The following WWP2 variants were observed in gnomAD, a reference collection of about 807,000 sequenced individuals.
WWP2 encodes WW domain containing E3 ubiquitin protein ligase 2, also known as NEDD4-like E3 ubiquitin-protein ligase WWP2.
Under a neutral mutation model 121.0 loss-of-function variants are expected in WWP2, and 57 were observed. The ratio of observed to expected loss-of-function variants is 0.47; its 90% CI spans 0.38 to 0.59. The LOEUF (loss-of-function observed/expected upper bound fraction) is 0.59. Among genes scored for constraint, WWP2 ranks in the 20% least tolerant of loss-of-function variants. The pLI is 0.00. For missense variants in WWP2, 962 were observed against 1,158.9 expected, an observed-to-expected ratio of 0.83 and a Z score of 2.47; for synonymous variants, 449 against 441.3, an observed-to-expected ratio of 1.02 and a Z score of -0.22.
intron 1 of WWP2, among the ~76,000 whole-genome samples, chr16:69,777,598 G>A (rs1457205948): frequency 1.3e-5 from 2 of 151,574 alleles, no homozygotes; most frequent in African/African-American, 4.8e-5. Flanking sequence ...ACCGTGCTCG[G>A]CCTATATTTT....
At position 69,935,934 on chromosome 16, in the gene WWP2, A is replaced by G; in HGVS notation, c.1924A>G (p.Lys642Glu). The change falls in exon 18 of 24, where the codon AAA becomes GAA. Residue 642 changes from lysine to glutamate, a missense_variant. Coordinates refer to ENST00000359154, the MANE Select transcript of WWP2 (RefSeq NM_001270454.2). The surrounding 1 kb of genome is among the most constrained non-coding windows in gnomAD (Gnocchi z 5.2). The stretch of plus-strand genomic sequence containing the variant: ...GATGCTCAATAAGAGACCAACCCTG[A>G]AAGACCTGGAGTCCATTGACCCTGA... ...KRMLNKRPTLKDLESIDPEFY... is the reference protein window; with the variant it reads ...KRMLNKRPTLEDLESIDPEFY... 1.9e-6 allele frequency: 3 copies of G among 1,614,046 alleles called. No homozygotes were observed. The highest frequency in any genetic ancestry group is 2.5e-6 in the Non-Finnish European group (3 of 1,180,026).
intron 2 of WWP2, among the ~76,000 whole-genome samples, chr16:69,787,561 C>G (rs1264793016): frequency 6.6e-6 from 1 of 152,094 alleles, no homozygotes; most frequent in African/African-American, 2.4e-5. Context: ...CTGCACTCAG[C>G]CTGGGCAACA....
At chr16:69,772,813 G>T (rs986110074) in intron 1 of WWP2, among the ~76,000 whole-genome samples, 15 of 151,970 alleles carry the variant, frequency 9.9e-5, no homozygotes, top group Admixed American at 9.2e-4. Context: ...CACCACCAGT[G>T]ATTGACCCTT....
chr16:69,832,553 G>C (rs2056812658), intron 4 of WWP2, among the ~76,000 whole-genome samples: 1 of 152,006 alleles, frequency 6.6e-6, no homozygotes, highest in Admixed American at 6.6e-5. Flanking sequence ...AATTTTTAAT[G>C]TTTTTTGAGA....
At chr16:69,920,635 T>C (rs1363862886) in intron 10 of WWP2, among the ~76,000 whole-genome samples, 2 of 148,398 alleles carry the variant, frequency 1.3e-5, no homozygotes, top group African/African-American at 2.5e-5. Context: ...AAAAAAAAAA[T>C]GGAACCGAAT....
Position 69,923,930 on chromosome 16 carries a change from C to A in WWP2, c.1180-1500C>A, listed in dbSNP as rs1218413410. On this transcript the variant is annotated intron_variant, in intron 10 of 23. Transcript: ENST00000359154. The stretch of plus-strand genomic sequence containing the variant: ...AACCCCCCAACACACAGACACACGC[C>A]CCCATGACTTGGAATTCGGGAGATT... 2.0e-5 allele frequency among the ~76,000 whole-genome samples: 3 copies of A among 151,956 alleles called. No homozygotes were observed. In the East Asian group the frequency reaches 5.8e-4, roughly 29 times the overall value.
chr16:69,772,969 C>T (rs1480682970), intron 1 of WWP2, among the ~76,000 whole-genome samples: 1 of 151,962 alleles, frequency 6.6e-6, no homozygotes, highest in African/African-American at 2.4e-5. Flanking sequence ...GGGTTTTCAC[C>T]TTTTTGTATT....
At chr16:69,773,177 CG>C (rs917122783) in intron 1 of WWP2, among the ~76,000 whole-genome samples, 4 of 151,602 alleles carry the variant, frequency 2.6e-5, no homozygotes, top group African/African-American at 9.7e-5. Flanking sequence ...TACCGATACA[CG>C]TTGCTCCTTT....
At chr16:69,764,948 A>G (rs2038696278) in intron 1 of WWP2, among the ~76,000 whole-genome samples, 1 of 152,254 alleles carries the variant, frequency 6.6e-6, no homozygotes, top group African/African-American at 2.4e-5. Context: ...TCATGCCTAT[A>G]ATTCCAGCAC....
intron 4 of WWP2, among the ~76,000 whole-genome samples, chr16:69,830,348 CA>C (rs1289244917): frequency 6.6e-6 from 1 of 152,126 alleles, no homozygotes; most frequent in East Asian, 1.9e-4. Flanking sequence ...CTCGGCCTCC[CA>C]AAGTGTTGGG....
intron 8 of WWP2, among the ~76,000 whole-genome samples, chr16:69,901,996 G>A (rs1046309598): frequency 2.0e-5 from 3 of 152,196 alleles, no homozygotes; most frequent in East Asian, 3.9e-4. Flanking sequence ...AAATTCACTC[G>A]AACTCTTTGC....
chr16:69,763,833 C>G (rs1232340921), intron 1 of WWP2, among the ~76,000 whole-genome samples: 1 of 152,182 alleles, frequency 6.6e-6, no homozygotes, highest in Non-Finnish European at 1.5e-5. Context: ...CTAAAAGTCA[C>G]ACCGGCGTAA....
chr16:69,829,676 C>T (rs751832527), intron 4 of WWP2, among the ~76,000 whole-genome samples: 1 of 152,216 alleles, frequency 6.6e-6, no homozygotes, highest in African/African-American at 2.4e-5. Context: ...TCTGGCTGCT[C>T]AGGGGACCAT....
intron 6 of WWP2, among the ~76,000 whole-genome samples, chr16:69,861,708 G>C (rs924467544): frequency 6.6e-6 from 1 of 151,208 alleles, no homozygotes; most frequent in Non-Finnish European, 1.5e-5. Flanking sequence ...GGTGCAGGTG[G>C]GAGTAGGTTT....
rs1188544343 is a variant in WWP2, at chr16:69,762,367, G to C, written c.-40G>C. 1 of 151,438 alleles carries C rather than the reference G, an allele frequency of 6.6e-6. No homozygotes were observed. Among genetic ancestry groups the C allele is most frequent in the East Asian group, 1.9e-4 (1 of 5,150 alleles). The allele number at this position is 151,438 out of a possible 1,614,324, so 9.4% of individuals were successfully genotyped here. On this transcript the variant is annotated 5_prime_UTR_variant, in exon 1 of 24. Transcript: ENST00000359154. ...GAAGGCGGAAGTAGGAGAGGAGTTC[G>C]GCGCCGCTTCTGTGGCCACGGCAGG...
At chr16:69,911,189 C>G (rs4985451) in intron 9 of WWP2, among the ~76,000 whole-genome samples, 1 of 152,126 alleles carries the variant, frequency 6.6e-6, no homozygotes, top group Non-Finnish European at 1.5e-5. Flanking sequence ...TAATCATGGC[C>G]GTCCCTGCAT....
rs116098479 is a variant in WWP2 at position 69,838,652 on chromosome 16, G to A, written c.341-1474G>A. 3.3e-3 allele frequency: 2,902 copies of A among 886,280 alleles called. 78 individuals are homozygous for A. In the African/African-American group the frequency reaches 0.049, roughly 15 times the overall value. The allele number at this position is 886,280 out of a possible 1,614,324, so 54.9% of individuals were successfully genotyped here. A position where few individuals can be genotyped will look rare whatever the true frequency, so the allele number is the denominator to read the frequency against. On this transcript the variant is annotated intron_variant, in intron 4 of 23. Coordinates refer to ENST00000359154, the MANE Select transcript of WWP2 (RefSeq NM_001270454.2). ...TGGCCACTCCCAGGGATGGCAAGAG[G>A]TGGCTGGGGGTTGAAAGGCCTCAGT...
At chr16:69,918,499 G>A (rs1226122146) in intron 10 of WWP2, among the ~76,000 whole-genome samples, 1 of 152,194 alleles carries the variant, frequency 6.6e-6, no homozygotes, top group Non-Finnish European at 1.5e-5. Context: ...TGCTTTCGTG[G>A]TACAATGGTA....
intron 7 of WWP2, among the ~76,000 whole-genome samples, chr16:69,881,379 C>T (rs992837095): frequency 2.0e-5 from 3 of 152,174 alleles, no homozygotes; most frequent in African/African-American, 7.2e-5. Flanking sequence ...TAATATCTTC[C>T]TCATAAGGGC....
Sources: gnomAD v4.1 joint callset for allele counts (sites outside exome capture counted in the v4.1 genomes callset) on GRCh38, gnomAD v4.1.1 for gene constraint, Gnocchi (gnomAD v3.1) non-coding constraint, MANE v1.5 for transcripts, NCBI Gene and HGNC (gene_info 2026-07-23, HGNC 2026-07-21) for gene names.